STEAP4: variants seen among roughly 807,000 people sequenced by gnomAD.
STEAP4 encodes STEAP4 metalloreductase.
A neutral mutation model predicts 43.6 loss-of-function variants in STEAP4; 36 were observed. The ratio of observed to expected loss-of-function variants is 0.83; its 90% CI spans 0.63 to 1.09. STEAP4 has a LOEUF of 1.09. Ranked by LOEUF, STEAP4 falls within the 50% of genes least tolerant of loss-of-function variation. STEAP4 has a pLI of 0.00. For missense variants in STEAP4, 495 were observed against 546.5 expected, an observed-to-expected ratio of 0.91 and a Z score of 0.94; for synonymous variants, 191 against 196.7, an observed-to-expected ratio of 0.97 and a Z score of 0.24.
chr7:88,294,364 A>G (rs1357364650), intron 1 of STEAP4, among the ~76,000 whole-genome samples: 1 of 152,106 alleles, frequency 6.6e-6, no homozygotes, highest in Non-Finnish European at 1.5e-5. Context: ...CATTCTCAAG[A>G]TATCTCATTA....
chr7:88,288,256 C>T (rs901489865), intron 1 of STEAP4, among the ~76,000 whole-genome samples: 4 of 152,138 alleles, frequency 2.6e-5, no homozygotes, highest in East Asian at 3.9e-4. Flanking sequence ...CTGCAACCTC[C>T]GCCTCCCAGG....
intron 3 of STEAP4, chr7:88,282,422 T>A (rs1852636152): frequency 5.3e-6 from 3 of 565,968 alleles, no homozygotes; most frequent in Non-Finnish European, 9.2e-6. Context: ...GCTGGGATTA[T>A]GGGAGTGAGC....
In STEAP4 at chr7:88,276,477, C is replaced by G. The variant is rs1256127561; in HGVS notation, c.*2921G>C. ...AATACACATTTATAAAAGCCATCAT[C>G]CCTTAACATGGGGAAAGTGTACAAA... On this transcript the variant is annotated 3_prime_UTR_variant, in exon 5 of 5. Coordinates refer to ENST00000380079, the MANE Select transcript of STEAP4 (RefSeq NM_024636.4). The G allele has an allele frequency of 6.6e-6, 1 of 152,128 alleles. No individual in the cohort carries two copies. The highest frequency in any genetic ancestry group is 2.4e-5 in the African/African-American group (1 of 41,412). 9.4% of individuals were successfully genotyped at this position (152,128 alleles called of 1,614,324 possible). A position where few individuals can be genotyped will look rare whatever the true frequency, so the allele number is the denominator to read the frequency against.
In STEAP4 at chr7:88,278,401, A is replaced by G. The variant is rs1001581703; in HGVS notation, c.*997T>C. ...GACTATTCATTTAATTTTACTCCTT[A>G]CAATTATAATAGACTAAGACAGATA... On this transcript the variant is annotated 3_prime_UTR_variant, in exon 5 of 5. Coordinates refer to ENST00000380079, the MANE Select transcript of STEAP4 (RefSeq NM_024636.4). The G allele has an allele frequency of 6.6e-6, 1 of 152,220 alleles. No homozygotes were observed. Among genetic ancestry groups the G allele is most frequent in the Non-Finnish European group, 1.5e-5 (1 of 68,040 alleles). The allele number at this position is 152,220 out of a possible 1,614,324, so 9.4% of individuals were successfully genotyped here.
rs559175042 is a variant in STEAP4 at position 88,293,004 on chromosome 7, A to G, written c.-2-8733T>C. The stretch of plus-strand genomic sequence containing the variant: ...TTCACCTACAGGTTTTTGTGTGAAA[A>G]TAAGTTTTCATTTCTCTGCGATAAA... On this transcript the variant is annotated intron_variant, in intron 1 of 4. Coordinates refer to ENST00000380079, the MANE Select transcript of STEAP4 (RefSeq NM_024636.4). The G allele has an allele frequency of 5.9e-5, 9 of 152,286 alleles. No homozygotes were observed. In the East Asian group the frequency reaches 1.3e-3, roughly 23 times the overall value. The allele number at this position is 152,286 out of a possible 1,614,324, so 9.4% of individuals were successfully genotyped here.
intron 1 of STEAP4, among the ~76,000 whole-genome samples, chr7:88,297,839 A>G (rs1437292301): frequency 6.6e-6 from 1 of 152,172 alleles, no homozygotes; most frequent in Non-Finnish European, 1.5e-5. Flanking sequence ...TAAGTTGAAA[A>G]CATTGTGACA....
intron 1 of STEAP4, among the ~76,000 whole-genome samples, chr7:88,289,519 T>C (rs750381047): frequency 2.0e-5 from 3 of 152,150 alleles, no homozygotes; most frequent in Non-Finnish European, 4.4e-5. Context: ...GTGCTTTCCA[T>C]TTTAGCCTAT....
At position 88,279,295 on chromosome 7, in the gene STEAP4, T is replaced by C; in HGVS notation, c.*103A>G. On this transcript the variant is annotated 3_prime_UTR_variant, in exon 5 of 5. Transcript: ENST00000380079. ...TCACGGTGTAAGAAAAAAACTTTCC[T>C]AACTGTACCCATCATTCTTCTTTAA... 1 of 1,119,558 alleles carries C rather than the reference T, an allele frequency of 8.9e-7. No individual in the cohort carries two copies. Among genetic ancestry groups the C allele is most frequent in the Non-Finnish European group, 1.3e-6 (1 of 778,006 alleles). The allele number at this position is 1,119,558 out of a possible 1,614,324, so 69.4% of individuals were successfully genotyped here. A position where few individuals can be genotyped will look rare whatever the true frequency, so the allele number is the denominator to read the frequency against.
At chr7:88,299,239 G>A (rs1002740287) in intron 1 of STEAP4, among the ~76,000 whole-genome samples, 23 of 152,080 alleles carry the variant, frequency 1.5e-4, no homozygotes, top group Admixed American at 1.2e-3. Context: ...GCCACATTTC[G>A]ATCTCAGCAG....
At chr7:88,296,628 G>A (rs1328897530) in intron 1 of STEAP4, among the ~76,000 whole-genome samples, 1 of 152,018 alleles carries the variant, frequency 6.6e-6, no homozygotes, top group Admixed American at 6.6e-5. Flanking sequence ...AGGGGGTTCT[G>A]CAACTATATC....
intron 2 of STEAP4, 138 bp downstream of exon 2, chr7:88,283,676 A>G (rs1852670279): frequency 1.0e-6 from 1 of 953,484 alleles, no homozygotes; most frequent in East Asian, 2.6e-5. Context: ...GCTCAAGAAA[A>G]TTATTCACAG....
intron 1 of STEAP4, among the ~76,000 whole-genome samples, chr7:88,295,409 C>T (rs1212660188): frequency 6.6e-6 from 1 of 152,152 alleles, no homozygotes; most frequent in Non-Finnish European, 1.5e-5. Flanking sequence ...AACCCTGGTG[C>T]ACATGAGAAT....
Position 88,284,279 on chromosome 7 carries a change from AT to A in STEAP4, c.-2-9del. ...TACAAGTTTTCTCCATAACTGAAAA[AT>A]AATAACACAAATGCCCAACAAAATA... On this transcript the variant is annotated splice_polypyrimidine_tract_variant and intron_variant, in intron 1 of 4. Coordinates refer to ENST00000380079, the MANE Select transcript of STEAP4 (RefSeq NM_024636.4). The A allele has an allele frequency of 6.5e-7, 1 of 1,538,292 alleles. No homozygotes were observed. Among genetic ancestry groups the A allele is most frequent in the Non-Finnish European group, 8.8e-7 (1 of 1,141,712 alleles).
chr7:88,286,148 C>A (rs78857874), intron 1 of STEAP4, among the ~76,000 whole-genome samples: 2,131 of 152,266 alleles, frequency 0.014, 61 homozygotes, highest in African/African-American at 0.049. Flanking sequence ...CTGCAGATGA[C>A]AGAAATGTTT....
chr7:88,284,470 A>G (rs1248482995), intron 1 of STEAP4, among the ~76,000 whole-genome samples, 199 bp from the exon 2 acceptor site: 2 of 152,214 alleles, frequency 1.3e-5, no homozygotes, highest in Non-Finnish European at 2.9e-5. Flanking sequence ...AAATTGTCAT[A>G]TATCTTTTCA....
chr7:88,291,478 C>T (rs1001382806), intron 1 of STEAP4, among the ~76,000 whole-genome samples: 3 of 147,940 alleles, frequency 2.0e-5, no homozygotes, highest in Non-Finnish European at 3.0e-5. Flanking sequence ...CAGAGCAAGA[C>T]TCCATCTCAA....
chr7:88,279,670 C>T (rs1244811448), intron 4 of STEAP4, 42 bp from the exon 5 acceptor site: 3 of 1,483,752 alleles, frequency 2.0e-6, no homozygotes, highest in African/African-American at 2.8e-5. Flanking sequence ...ACATTATTTA[C>T]ATCTTAAAGT....
In STEAP4 at chr7:88,302,951, C is replaced by CAAA. The variant is rs35493493; in HGVS notation, c.-3+3838_-3+3840dup. Among the ~76,000 whole-genome samples, 150 of 51,410 alleles carry CAAA rather than the reference C, an allele frequency of 2.9e-3. 4 individuals are homozygous for CAAA. Among genetic ancestry groups the CAAA allele is most frequent in the African/African-American group, 9.4e-3 (120 of 12,812 alleles). 33.7% of individuals were successfully genotyped at this position (51,410 alleles called of 152,430 possible). A position where few individuals can be genotyped will look rare whatever the true frequency, so the allele number is the denominator to read the frequency against. On this transcript the variant is annotated intron_variant, in intron 1 of 4. Transcript: ENST00000380079. Reference sequence around the variant, plus strand: ...CCTGAGTGAAGGAGTGAGACTGTCTCAAAAAAAAAAAAAAAAAAAAAAAAT... The same window carrying CAAA: ...CCTGAGTGAAGGAGTGAGACTGTCTCAAAAAAAAAAAAAAAAAAAAAAAAAAAT...
intron 1 of STEAP4, among the ~76,000 whole-genome samples, chr7:88,285,709 AGGAGGCCACAG>A (rs1326388652): frequency 6.7e-6 from 1 of 149,468 alleles, no homozygotes; most frequent in Non-Finnish European, 1.5e-5. Flanking sequence ...TCAGCTACTC[AGGAGGCCACAG>A]CACTCCAGCC....
Sources: allele counts gnomAD v4.1 joint callset (sites outside exome capture counted in the v4.1 genomes callset), GRCh38; gene constraint gnomAD v4.1.1; transcripts MANE v1.5; gene names NCBI Gene and HGNC (gene_info 2026-07-23, HGNC 2026-07-21).